Variants in PCCA observed in about 807,000 individuals in gnomAD.
The protein encoded by PCCA is propionyl-CoA carboxylase subunit alpha.
PCCA carries 74 observed loss-of-function variants against 101.3 expected under a neutral mutation model. The observed-to-expected ratio is 0.73, with a 90% CI of 0.61 to 0.89. The LOEUF (loss-of-function observed/expected upper bound fraction) is 0.89, where lower values mean the gene tolerates loss of function less well. Among genes scored for constraint, PCCA ranks in the 40% least tolerant of loss-of-function variants. PCCA has a pLI of 0.00. For missense variants in PCCA, 891 were observed against 907.0 expected (o/e 0.98, Z 0.23); for synonymous variants, 294 against 313.6 (o/e 0.94, Z 0.66).
Position 100,235,844 on chromosome 13 carries a change from T to C in PCCA, c.603T>C (p.Asp201=), listed in dbSNP as rs773868428. The change falls in exon 8 of 24, where the codon GAT becomes GAC. Residue 201 remains aspartate (D), a splice_region_variant and synonymous_variant. Coordinates refer to ENST00000376285, the MANE Select transcript of PCCA (RefSeq NM_000282.4). ...AGTCTCATTTCCTGCTTTTACAGGA[T>C]GCAGAAGAAGCTGTCAGAATTGCAA... ...TIPGFDGVVK[D]AEEAVRIARE... 1.2e-6 allele frequency: 2 copies of C among 1,606,360 alleles called. No homozygotes were observed. The highest frequency in any genetic ancestry group is 1.7e-6 in the Non-Finnish European group (2 of 1,173,050).
At chr13:100,322,181 G>A (rs116770157) in intron 16 of PCCA, among the ~76,000 whole-genome samples, 13 of 152,290 alleles carry the variant, frequency 8.5e-5, no homozygotes, top group Non-Finnish European at 1.6e-4. Context: ...GTGCCACTCC[G>A]TTTGAATTGC....
At chr13:100,525,026 T>TAGACAGAC (rs1555330407) in intron 22 of PCCA, among the ~76,000 whole-genome samples, 71 of 142,640 alleles carry the variant, frequency 5.0e-4, no homozygotes, top group African/African-American at 1.6e-3. Flanking sequence ...GATAGATAGA[T>TAGACAGAC]AGACAGACAG....
chr13:100,146,886 T>C (rs2052637898), intron 4 of PCCA, among the ~76,000 whole-genome samples: 1 of 144,644 alleles, frequency 6.9e-6, no homozygotes, highest in African/African-American at 2.9e-5. Flanking sequence ...GGGAAGCTTA[T>C]TGCAGCGCAC....
intron 16 of PCCA, 30 bp from the exon 17 acceptor site, chr13:100,330,531 T>C: frequency 7.7e-7 from 1 of 1,298,394 alleles, no homozygotes; most frequent in Non-Finnish European, 1.1e-6. Flanking sequence ...TGATTCATTG[T>C]TCTTCAATTT....
intron 20 of PCCA, among the ~76,000 whole-genome samples, chr13:100,429,826 C>G (rs541807414): frequency 6.6e-6 from 1 of 151,016 alleles, no homozygotes; most frequent in African/African-American, 2.4e-5. Flanking sequence ...AGGCTGGTCT[C>G]GAACTCCTGA....
chr13:100,111,585 G>A (rs992576610), intron 2 of PCCA, among the ~76,000 whole-genome samples: 1 of 152,158 alleles, frequency 6.6e-6, no homozygotes, highest in African/African-American at 2.4e-5. Context: ...TATAGAACCC[G>A]ATCATATCAG....
At position 100,335,777 on chromosome 13, in the gene PCCA, T is replaced by A. The variant is rs372095455; in HGVS notation, c.1541-4380T>A. 9.9e-4 allele frequency among the ~76,000 whole-genome samples: 150 copies of A among 152,260 alleles called. 4 individuals carry two copies. The South Asian group carries it at 0.028, about 29-fold the overall frequency. ...GTTCCCAGGGGACTGGCAGGCAGAC[T>A]GGTACTCACAGACATGAAAGTAGAC... On this transcript the variant is annotated intron_variant, in intron 17 of 23. Coordinates refer to ENST00000376285, the MANE Select transcript of PCCA (RefSeq NM_000282.4).
chr13:100,232,351 C>CGT (rs375554722), intron 7 of PCCA, among the ~76,000 whole-genome samples: 10,002 of 131,106 alleles, frequency 0.076, 432 homozygotes, highest in African/African-American at 0.12. Context: ...TGTGTGTATG[C>CGT]GTGTGTGTGT....
At chr13:100,490,963 T>C (rs1235728715) in intron 21 of PCCA, 2 of 152,286 alleles carry the variant, frequency 1.3e-5, no homozygotes, top group East Asian at 1.9e-4. Flanking sequence ...GCTGAGCTTG[T>C]TTGACCACAG....
At chr13:100,164,356 G>A (rs182045691) in intron 6 of PCCA, among the ~76,000 whole-genome samples, 206 of 152,344 alleles carry the variant, frequency 1.4e-3, no homozygotes, top group Non-Finnish European at 2.3e-3. Flanking sequence ...GGCAGGCTCG[G>A]ATAGGAGAGT....
At chr13:100,316,865 C>CTCCTGCCTCAGCCT (rs2067405060) in intron 16 of PCCA, among the ~76,000 whole-genome samples, 2 of 151,906 alleles carry the variant, frequency 1.3e-5, no homozygotes, top group South Asian at 4.2e-4. Context: ...CCTCTGCCTC[C>CTCCTGCCTCAGCCT]CAGGTTCAAG....
At chr13:100,146,667 C>T (rs905971853) in intron 4 of PCCA, among the ~76,000 whole-genome samples, 7 of 151,052 alleles carry the variant, frequency 4.6e-5, no homozygotes, top group East Asian at 3.9e-4. Flanking sequence ...CAGGAAAATG[C>T]GAATTAAAAA....
At chr13:100,171,711 A>G (rs2055669121) in intron 6 of PCCA, among the ~76,000 whole-genome samples, 1 of 152,172 alleles carries the variant, frequency 6.6e-6, no homozygotes, top group Non-Finnish European at 1.5e-5. Context: ...CACATAGGAA[A>G]ACCCCATCTC....
chr13:100,429,764 G>A (rs1447710956), intron 20 of PCCA, among the ~76,000 whole-genome samples: 2 of 151,724 alleles, frequency 1.3e-5, no homozygotes, highest in East Asian at 2.0e-4. Context: ...GCACTACCAT[G>A]CCTCGCTAAT....
At chr13:100,196,803 C>T (rs937282600) in intron 6 of PCCA, among the ~76,000 whole-genome samples, 1 of 152,136 alleles carries the variant, frequency 6.6e-6, no homozygotes, top group Non-Finnish European at 1.5e-5. Context: ...ACCTTTACCC[C>T]CTTCCACTAC....
At chr13:100,371,546 G>A (rs2075573811) in intron 19 of PCCA, among the ~76,000 whole-genome samples, 1 of 152,030 alleles carries the variant, frequency 6.6e-6, no homozygotes, top group Admixed American at 6.6e-5. Context: ...TGCCCAGCCT[G>A]GGCAACACAG....
intron 7 of PCCA, among the ~76,000 whole-genome samples, chr13:100,224,320 G>A (rs965684982): frequency 3.3e-5 from 5 of 152,246 alleles, no homozygotes; most frequent in Admixed American, 6.5e-5. Context: ...GCCCGGGGCC[G>A]GCAGGGCCAG....
rs376028376 is a variant in PCCA at position 100,186,738 on chromosome 13, C to CAAAAAAAAAA, written c.469-22593_469-22584dup. Among the ~76,000 whole-genome samples the CAAAAAAAAAA allele has an allele frequency of 3.3e-3, 281 of 84,024 alleles. 6 individuals carry two copies. Among genetic ancestry groups the CAAAAAAAAAA allele is most frequent in the Middle Eastern group, 7.5e-3 (1 of 134 alleles). The allele number at this position is 84,024 out of a possible 152,430, so 55.1% of individuals were successfully genotyped here. On this transcript the variant is annotated intron_variant, in intron 6 of 23. Transcript: ENST00000376285. ...CCTGGGTGAGAGTGAGATTCCATCTCAAAAAAAAAACAAAAAAAAAAAGAA... is the reference window on the plus strand; with the variant it reads ...CCTGGGTGAGAGTGAGATTCCATCTCAAAAAAAAAAAAAAAAAAAACAAAAAAAAAAAGAA...
intron 16 of PCCA, among the ~76,000 whole-genome samples, chr13:100,327,327 T>C (rs1265322208): frequency 6.6e-6 from 1 of 152,098 alleles, no homozygotes; most frequent in Non-Finnish European, 1.5e-5. Flanking sequence ...TACATTATTA[T>C]GCATTATTTT....
Sources: allele counts gnomAD v4.1 joint callset (sites outside exome capture counted in the v4.1 genomes callset), GRCh38; gene constraint gnomAD v4.1.1; transcripts MANE v1.5; gene names NCBI Gene and HGNC (gene_info 2026-07-23, HGNC 2026-07-21).